Variants in XRCC5 observed in about 807,000 individuals in gnomAD.
XRCC5 encodes the protein DNA repair protein Ku80.
In XRCC5, 12 loss-of-function variants were observed where a neutral mutation model predicts 95.7. That is an observed-to-expected ratio of 0.13 (90% CI 0.08 to 0.20). The LOEUF is 0.20. Ranked by LOEUF, XRCC5 falls within the 10% of genes least tolerant of loss-of-function variation. The probability of loss-of-function intolerance (pLI) is 1.00; values close to 1 mark genes in which losing one functional copy is unlikely to be tolerated. For synonymous variants in XRCC5, 281 were observed against 290.3 expected (o/e 0.97, Z 0.33); for missense variants, 595 against 873.9 (o/e 0.68, Z 4.02).
intron 15 of XRCC5, among the ~76,000 whole-genome samples, chr2:216,161,021 A>G (rs41301704): frequency 2.7e-4 from 41 of 152,310 alleles, no homozygotes; most frequent in African/African-American, 9.9e-4. Flanking sequence ...AAGCAGCATT[A>G]GTGTGAATCA....
intron 16 of XRCC5, among the ~76,000 whole-genome samples, 179 bp from the exon 17 acceptor site, chr2:216,190,046 T>A (rs55995620): frequency 2.0e-5 from 3 of 152,184 alleles, no homozygotes; most frequent in African/African-American, 7.2e-5. Flanking sequence ...ACTTTGCAAA[T>A]ACAGAGTTTT....
At chr2:216,126,637 G>A (rs1037253544) in intron 7 of XRCC5, among the ~76,000 whole-genome samples, 16 of 152,020 alleles carry the variant, frequency 1.1e-4, no homozygotes, top group African/African-American at 3.6e-4. Context: ...TCCTTTAAGT[G>A]TTCAAAATAA....
chr2:216,161,898 C>T, intron 15 of XRCC5, 81 bp from the exon 16 acceptor site: 3 of 1,144,104 alleles, frequency 2.6e-6, no homozygotes, highest in Non-Finnish European at 4.0e-6. Context: ...ACACTTATTA[C>T]ATTAAGCCAT....
At chr2:216,190,172 C>A in intron 16 of XRCC5, 53 bp from the exon 17 acceptor site, 1 of 1,482,616 alleles carries the variant, frequency 6.7e-7, no homozygotes, top group Non-Finnish European at 9.4e-7. Context: ...CAGAAGCATA[C>A]CCTCTCTCAG....
rs565857747 is a variant in XRCC5, at chr2:216,133,459, C to T, written c.1113+1072C>T. 4.5e-4 allele frequency among the ~76,000 whole-genome samples: 69 copies of T among 152,290 alleles called. 1 individual carries two copies. The Middle Eastern group carries it at 0.01, about 23-fold the overall frequency. On this transcript the variant is annotated intron_variant, in intron 10 of 20. Coordinates refer to ENST00000392132, the MANE Select transcript of XRCC5 (RefSeq NM_021141.4). Reference sequence around the variant, plus strand: ...CCAGATAGCTGGGACTATAGGTGTGCGCCACCATTCCTTGCTTCTGCTGAA... The same window carrying T: ...CCAGATAGCTGGGACTATAGGTGTGTGCCACCATTCCTTGCTTCTGCTGAA...
intron 19 of XRCC5, among the ~76,000 whole-genome samples, chr2:216,200,988 C>T (rs951384334): frequency 2.6e-5 from 4 of 152,092 alleles, no homozygotes; most frequent in African/African-American, 9.7e-5. Context: ...CTTACAATAC[C>T]ATAATGAATT....
At chr2:216,155,235 T>G (rs1178860122) in intron 14 of XRCC5, among the ~76,000 whole-genome samples, 1 of 18,494 alleles carries the variant, frequency 5.4e-5, no homozygotes, top group Non-Finnish European at 1.2e-4. Flanking sequence ...GACTCCCATC[T>G]CAAAAAAAAA....
intron 16 of XRCC5, among the ~76,000 whole-genome samples, chr2:216,187,821 A>ACTCTCTCTCT (rs371097633): frequency 7.5e-4 from 36 of 47,966 alleles, no homozygotes; most frequent in Non-Finnish European, 9.4e-4. Context: ...ACACACACAC[A>ACTCTCTCTCT]CTCTCTCTCT....
At chr2:216,183,136 C>T (rs563945808) in intron 16 of XRCC5, among the ~76,000 whole-genome samples, 1 of 152,206 alleles carries the variant, frequency 6.6e-6, no homozygotes, top group Non-Finnish European at 1.5e-5. Flanking sequence ...ATTTGTTACA[C>T]AGAGTGAACT....
At chr2:216,177,979 C>G (rs1463163074) in intron 16 of XRCC5, among the ~76,000 whole-genome samples, 1 of 152,092 alleles carries the variant, frequency 6.6e-6, no homozygotes. Context: ...TTCAGATTTC[C>G]TGAGGGCAGT....
At chr2:216,131,242 A>G (rs1224287406) in intron 9 of XRCC5, 1 of 985,376 alleles carries the variant, frequency 1.0e-6, no homozygotes, top group Non-Finnish European at 1.2e-6. Flanking sequence ...GGAAGCGGAG[A>G]TGAGGGGTAT....
At chr2:216,205,130 G>A in intron 20 of XRCC5, 58 bp from the exon 21 acceptor site, 3 of 1,606,912 alleles carry the variant, frequency 1.9e-6, no homozygotes, top group Non-Finnish European at 2.6e-6. Context: ...TCTCACCAGA[G>A]AAGCAGTGGT....
intron 16 of XRCC5, among the ~76,000 whole-genome samples, chr2:216,180,996 AG>A (rs1277150646): frequency 6.6e-6 from 1 of 151,894 alleles, no homozygotes; most frequent in African/African-American, 2.4e-5. Flanking sequence ...TATTTTTAGT[AG>A]AGACGGGGTT....
chr2:216,127,452 T>C, intron 7 of XRCC5, 84 bp from the exon 8 acceptor site: 1 of 1,466,954 alleles, frequency 6.8e-7, no homozygotes, highest in Non-Finnish European at 9.1e-7. Flanking sequence ...TTTTTGTCTG[T>C]GCCAGAGAGT....
In XRCC5 at chr2:216,134,677, C is replaced by G. The variant is rs998389073; in HGVS notation, c.1113+2290C>G. 6.6e-5 allele frequency among the ~76,000 whole-genome samples: 10 copies of G among 151,412 alleles called. 1 individual carries two copies. Among genetic ancestry groups the G allele is most frequent in the South Asian group, 2.1e-4 (1 of 4,766 alleles). On this transcript the variant is annotated intron_variant, in intron 10 of 20. Coordinates refer to ENST00000392132, the MANE Select transcript of XRCC5 (RefSeq NM_021141.4). ...CTCCTGACCTCAGGTGATCCACCCC[C>G]CCCCCTCCTCGGCCTCCCAAAGTGT...
In XRCC5 at chr2:216,119,000, A is replaced by AT. The variant is rs765529739; in HGVS notation, c.369-41dup. On this transcript the variant is annotated intron_variant, in intron 4 of 20. Transcript: ENST00000392132. Reference sequence around the variant, plus strand: ...GTGTATTTGAATTTGTAGAAAAATAATTCAGGAGAATGATTTCTTAATATG... The same window carrying AT: ...GTGTATTTGAATTTGTAGAAAAATAATTTCAGGAGAATGATTTCTTAATATG... 4 of 1,600,952 alleles carry AT rather than the reference A, an allele frequency of 2.5e-6. No individual in the cohort carries two copies. In the African/African-American group the frequency reaches 4.0e-5, roughly 16 times the overall value.
At chr2:216,154,449 A>C (rs1311659219) in intron 14 of XRCC5, among the ~76,000 whole-genome samples, 1 of 152,350 alleles carries the variant, frequency 6.6e-6, no homozygotes, top group African/African-American at 2.4e-5. Flanking sequence ...TAAGCTCTTA[A>C]TAGCATCGCC....
intron 5 of XRCC5, among the ~76,000 whole-genome samples, chr2:216,120,838 C>G (rs1696792390): frequency 2.6e-5 from 4 of 152,168 alleles, no homozygotes; most frequent in Admixed American, 2.6e-4. Context: ...CAGGCTCAAG[C>G]AGTTCTCCTA....
chr2:216,126,512 C>G (rs1696902353), intron 7 of XRCC5, among the ~76,000 whole-genome samples: 1 of 152,038 alleles, frequency 6.6e-6, no homozygotes, highest in Non-Finnish European at 1.5e-5. Context: ...AATATATGTA[C>G]ATTTATATAC....
Sources: allele counts gnomAD v4.1 joint callset (sites outside exome capture counted in the v4.1 genomes callset), GRCh38; gene constraint gnomAD v4.1.1; transcripts MANE v1.5; gene names NCBI Gene and HGNC (gene_info 2026-07-23, HGNC 2026-07-21).